ST18: variants seen among roughly 807,000 people sequenced by gnomAD.
ST18 encodes the protein ST18 C2H2C-type zinc finger transcription factor, also known as suppression of tumorigenicity 18 protein.
Under a neutral mutation model 110.0 loss-of-function variants are expected in ST18, and 50 were observed. The ratio of observed to expected loss-of-function variants is 0.45; its 90% CI spans 0.36 to 0.58. The LOEUF is 0.58. ST18 is among the 20% of genes least tolerant of loss of function. ST18 has a pLI of 0.00. For missense variants in ST18, 1,306 were observed against 1,280.1 expected (o/e 1.02, Z -0.31); for synonymous variants, 461 against 452.4 (o/e 1.02, Z -0.24).
chr8:52,207,570 T>C (rs374178812), intron 8 of ST18, among the ~76,000 whole-genome samples: 38 of 152,210 alleles, frequency 2.5e-4, no homozygotes, highest in African/African-American at 9.2e-4. Flanking sequence ...ATTTTAAAAC[T>C]TACAGGAAAA....
chr8:52,117,208 C>T (rs1416667951), intron 24 of ST18, among the ~76,000 whole-genome samples: 2 of 152,202 alleles, frequency 1.3e-5, no homozygotes, highest in African/African-American at 4.8e-5. Flanking sequence ...TCTGAAATCC[C>T]CAGGCCTTCT....
intron 8 of ST18, among the ~76,000 whole-genome samples, chr8:52,191,126 G>C (rs917511147): frequency 6.6e-6 from 1 of 152,172 alleles, no homozygotes; most frequent in African/African-American, 2.4e-5. Flanking sequence ...CTGCAGTGTG[G>C]GAAGCCCTGT....
Position 52,167,002 on chromosome 8 carries a change from A to G in ST18, c.1070-16T>C. ...CTTGGTGAATCTATGGAGAAATTCA[A>G]TTGAGAAATGCATTTGGTTATTCTT... is the stretch of plus-strand genomic sequence containing the variant. On this transcript the variant is annotated splice_polypyrimidine_tract_variant and intron_variant, in intron 10 of 25. Transcript: ENST00000689386. 3.1e-6 allele frequency: 5 copies of G among 1,596,670 alleles called. No individual in the cohort carries two copies. The highest frequency in any genetic ancestry group is 4.3e-6 in the Non-Finnish European group (5 of 1,168,102).
Position 52,335,865 on chromosome 8 carries a change from C to T in ST18, c.-465+73463G>A, listed in dbSNP as rs548713995. 5.3e-5 allele frequency among the ~76,000 whole-genome samples: 8 copies of T among 152,192 alleles called. No homozygotes were observed. The East Asian group carries it at 1.5e-3, about 29-fold the overall frequency. On this transcript the variant is annotated intron_variant, in intron 2 of 25. Coordinates refer to ENST00000689386, the MANE Select transcript of ST18 (RefSeq NM_001352837.2). ...ACAAGGTGTCCTCCGTAAGCACCTCCCTTCACCCTCCAATTACACACTTCA... is the reference window on the plus strand; with the variant it reads ...ACAAGGTGTCCTCCGTAAGCACCTCTCTTCACCCTCCAATTACACACTTCA...
At chr8:52,154,889 A>G (rs1467875124) in intron 15 of ST18, 1 of 151,584 alleles carries the variant, frequency 6.6e-6, no homozygotes, top group African/African-American at 2.4e-5. Context: ...GAAAAAAAAA[A>G]AAAAGAAAAA....
intron 8 of ST18, among the ~76,000 whole-genome samples, chr8:52,201,715 G>A (rs1399034358): frequency 6.6e-6 from 1 of 152,170 alleles, no homozygotes; most frequent in Non-Finnish European, 1.5e-5. Flanking sequence ...GAGTTCCTGG[G>A]TCCTGGCAGT....
At chr8:52,151,257 C>T (rs547403315) in intron 15 of ST18, among the ~76,000 whole-genome samples, 3 of 152,054 alleles carry the variant, frequency 2.0e-5, no homozygotes, top group East Asian at 3.9e-4. Flanking sequence ...TGCTTGTGCC[C>T]GACTTAGAAA....
intron 2 of ST18, among the ~76,000 whole-genome samples, chr8:52,252,586 C>A (rs1208525102): frequency 1.3e-5 from 2 of 151,724 alleles, no homozygotes; most frequent in African/African-American, 2.4e-5. Context: ...TTAAATACAA[C>A]CACCTTACGC....
intron 24 of ST18, among the ~76,000 whole-genome samples, chr8:52,117,396 G>A (rs2042939722): frequency 6.6e-6 from 1 of 152,140 alleles, no homozygotes; most frequent in South Asian, 2.1e-4. Flanking sequence ...TGCCATTCTA[G>A]CATACAACAC....
intron 2 of ST18, among the ~76,000 whole-genome samples, chr8:52,381,682 A>C (rs1435533482): frequency 6.6e-6 from 1 of 152,188 alleles, no homozygotes; most frequent in Non-Finnish European, 1.5e-5. Flanking sequence ...ACTGCTGGGC[A>C]GATTGCACCA....
intron 2 of ST18, among the ~76,000 whole-genome samples, chr8:52,402,086 T>A (rs1399690732): frequency 4.6e-5 from 7 of 152,180 alleles, no homozygotes. Flanking sequence ...AGTACCTCAG[T>A]GTCTTCGGCT....
chr8:52,391,041 C>T (rs1482707016), intron 2 of ST18, among the ~76,000 whole-genome samples: 1 of 152,184 alleles, frequency 6.6e-6, no homozygotes, highest in Non-Finnish European at 1.5e-5. Flanking sequence ...GTAAAAGATG[C>T]TGTGTGTACC....
rs555288090 is a variant in ST18 at position 52,169,861 on chromosome 8, T to C, written c.1069+1931A>G. 3.3e-5 allele frequency among the ~76,000 whole-genome samples: 5 copies of C among 152,302 alleles called. No homozygotes were observed. The East Asian group carries it at 9.6e-4, about 29-fold the overall frequency. On this transcript the variant is annotated intron_variant, in intron 10 of 25. Coordinates refer to ENST00000689386, the MANE Select transcript of ST18 (RefSeq NM_001352837.2). ...TGCCCCCATGCCTCAGGCACTAGGA[T>C]ATACCGCTGAGTCATCCAGCCCTAG...
Position 52,123,383 on chromosome 8 carries a change from TCTA to T in ST18, c.2755+2666_2755+2668del, listed in dbSNP as rs2045757025. On this transcript the variant is annotated intron_variant, in intron 23 of 25. Coordinates refer to ENST00000689386, the MANE Select transcript of ST18 (RefSeq NM_001352837.2). Reference sequence around the variant, plus strand: ...ATGTCTGAAGGTGTGTTGGTTTACATCTACTTTAAAGATCATCCAGAGAACAAT... The same window carrying T: ...ATGTCTGAAGGTGTGTTGGTTTACATCTTTAAAGATCATCCAGAGAACAAT... 5.3e-5 allele frequency among the ~76,000 whole-genome samples: 8 copies of T among 152,356 alleles called. No homozygotes were observed. The South Asian group carries it at 1.7e-3, about 32-fold the overall frequency.
chr8:52,174,654 G>T (rs574009537), intron 9 of ST18, among the ~76,000 whole-genome samples: 2 of 152,148 alleles, frequency 1.3e-5, no homozygotes, highest in Non-Finnish European at 2.9e-5. Context: ...CCAACTGCTC[G>T]CATTTTGGGT....
chr8:52,254,844 A>C (rs2094474349), intron 2 of ST18, among the ~76,000 whole-genome samples: 1 of 152,230 alleles, frequency 6.6e-6, no homozygotes, highest in African/African-American at 2.4e-5. Context: ...TCAGTGACTA[A>C]GAAGGCAACA....
rs116513666 is a variant in ST18, at chr8:52,240,430, T to C, written c.-464-10353A>G. 3.3e-3 allele frequency among the ~76,000 whole-genome samples: 498 copies of C among 152,248 alleles called. 2 individuals are homozygous for C. The highest frequency in any genetic ancestry group is 9.6e-3 in the African/African-American group (398 of 41,554). The stretch of plus-strand genomic sequence containing the variant: ...CTGAATAGTCTTAACATCTCATCCG[T>C]AGGCTTATAAAGGTGTCTCAATCTG... On this transcript the variant is annotated intron_variant, in intron 2 of 25. Coordinates refer to ENST00000689386, the MANE Select transcript of ST18 (RefSeq NM_001352837.2).
chr8:52,309,540 A>AAAAAAAAT, intron 2 of ST18, among the ~76,000 whole-genome samples: 1 of 151,156 alleles, frequency 6.6e-6, no homozygotes. Flanking sequence ...AAAAAAAAAA[A>AAAAAAAAT]AAAAGAAATC....
chr8:52,111,753 G>T lies in ST18; in HGVS notation c.*1445C>A, dbSNP rs1465549014. The T allele has an allele frequency of 6.6e-6, 1 of 152,562 alleles. No individual in the cohort carries two copies. Among genetic ancestry groups the T allele is most frequent in the African/African-American group, 2.4e-5 (1 of 41,420 alleles). The allele number at this position is 152,562 out of a possible 1,614,324, so 9.5% of individuals were successfully genotyped here. A position where few individuals can be genotyped will look rare whatever the true frequency, so the allele number is the denominator to read the frequency against. On this transcript the variant is annotated 3_prime_UTR_variant, in exon 26 of 26. Transcript: ENST00000689386. ...AGGCACGTCTGCACATGAAATGTGT[G>T]TGCACACCAAAAAGGCAGTTTAGCT...
Sources: gnomAD v4.1 joint callset for allele counts (sites outside exome capture counted in the v4.1 genomes callset) on GRCh38, gnomAD v4.1.1 for gene constraint, MANE v1.5 for transcripts, NCBI Gene and HGNC (gene_info 2026-07-23, HGNC 2026-07-21) for gene names.